The following KIF4A variants were observed in gnomAD, a reference collection of about 807,000 sequenced individuals.
The protein encoded by KIF4A is kinesin family member 4A.
Under a neutral mutation model 105.9 loss-of-function variants are expected in KIF4A, and 7 were observed. The ratio of observed to expected loss-of-function variants is 0.07; its 90% CI spans 0.04 to 0.12. KIF4A has a LOEUF of 0.12. Among genes scored for constraint, KIF4A ranks in the 10% least tolerant of loss-of-function variants. The pLI is 1.00. For synonymous variants in KIF4A, 281 were observed against 331.3 expected (o/e 0.85, Z 1.65); for missense variants, 558 against 929.2 (o/e 0.60, Z 5.19).
intron 18 of KIF4A, among the ~76,000 whole-genome samples, chrX:70,383,029 G>A (rs1401422426): frequency 2.7e-5 from 3 of 109,759 alleles, no homozygotes; most frequent in African/African-American, 9.9e-5. Flanking sequence ...CACTAAAAAT[G>A]CAAAAAAAGT....
chrX:70,398,380 C>G (rs1041970913), intron 22 of KIF4A, among the ~76,000 whole-genome samples: 3 of 112,353 alleles, frequency 2.7e-5, no homozygotes, highest in Non-Finnish European at 5.6e-5. Context: ...AATTTACCTA[C>G]ATACCATATG....
intron 10 of KIF4A, among the ~76,000 whole-genome samples, chrX:70,334,455 A>C (rs949079359): frequency 9.0e-6 from 1 of 111,704 alleles, no homozygotes; most frequent in African/African-American, 3.3e-5. Flanking sequence ...CTTATTTGTA[A>C]CTTCTTTCTC....
At chrX:70,341,213 T>G (rs892462877) in intron 10 of KIF4A, among the ~76,000 whole-genome samples, 19 of 111,805 alleles carry the variant, frequency 1.7e-4, no homozygotes, top group African/African-American at 5.5e-4. Flanking sequence ...GAGCACTTAT[T>G]TATAAAGAAT....
At chrX:70,305,277 C>T (rs1434660536) in intron 7 of KIF4A, among the ~76,000 whole-genome samples, 3 of 111,551 alleles carry the variant, frequency 2.7e-5, no homozygotes, top group Non-Finnish European at 3.8e-5. Context: ...ACCATCACCG[C>T]AATAAATTTT....
intron 7 of KIF4A, among the ~76,000 whole-genome samples, chrX:70,311,392 C>A (rs1422328373): frequency 1.8e-5 from 2 of 110,425 alleles, no homozygotes; most frequent in Non-Finnish European, 3.8e-5. Context: ...GTTTTATGTT[C>A]TTTTTATTGC....
In KIF4A at chrX:70,387,290, G is replaced by A. The variant is rs371136649; in HGVS notation, c.2225G>A (p.Arg742Gln). ...CGTGGAATGGAAGGCACTGCAGCTC[G>A]AGTGAAGGTATGAACAACTTGAACT... Reference protein sequence around the residue: ...QSRGMEGTAARVKNWLGNEIE... With the variant: ...QSRGMEGTAAQVKNWLGNEIE... The change falls in exon 20 of 31, where the codon CGA becomes CAA. Residue 742 changes from arginine (R) to glutamine (Q), a missense_variant. Physicochemically the swap from Arg to Gln is conservative, Grantham distance 43. Transcript: ENST00000374403. 13 of 1,170,274 alleles carry A rather than the reference G, an allele frequency of 1.1e-5. No homozygotes were observed. Among genetic ancestry groups the A allele is most frequent in the East Asian group, 6.3e-5 (2 of 31,850 alleles).
intron 15 of KIF4A, among the ~76,000 whole-genome samples, chrX:70,367,828 T>A: frequency 8.9e-6 from 1 of 112,072 alleles, no homozygotes; most frequent in Non-Finnish European, 1.9e-5. Context: ...TTCTCCTGGA[T>A]AATATCCTAC....
chrX:70,324,017 AG>A (rs1322132313), intron 7 of KIF4A, among the ~76,000 whole-genome samples: 1 of 110,508 alleles, frequency 9.0e-6, no homozygotes, highest in African/African-American at 3.3e-5. Flanking sequence ...TAGTAGAGAC[AG>A]GGTCTCACCA....
chrX:70,406,457 C>A, intron 27 of KIF4A, 103 bp downstream of exon 27: 1 of 598,581 alleles, frequency 1.7e-6, no homozygotes, highest in Non-Finnish European at 2.7e-6. Context: ...TTCCCAAATT[C>A]TAGCATCTCA....
chrX:70,362,400 C>T, intron 15 of KIF4A: 1 of 198,237 alleles, frequency 5.0e-6, no homozygotes, highest in Non-Finnish European at 9.6e-6. Context: ...GCTGGGTGCC[C>T]CGCCCATTGT....
In KIF4A at chrX:70,387,216, T is replaced by C; in HGVS notation, c.2151T>C (p.Ala717=). The C allele has an allele frequency of 8.4e-7, 1 of 1,187,837 alleles. No individual in the cohort carries two copies. The highest frequency in any genetic ancestry group is 1.1e-6 in the Non-Finnish European group (1 of 883,235). ...AAAANKRLKD[A]LQKQREVADK... ...CTGCCAACAAGCGTCTCAAGGATGCTCTCCAGAAACAACGGGAGGTTGCAG... is the reference window on the plus strand; with the variant it reads ...CTGCCAACAAGCGTCTCAAGGATGCCCTCCAGAAACAACGGGAGGTTGCAG... The change falls in exon 20 of 31, where the codon GCT becomes GCC. Residue 717 remains alanine (A), a synonymous_variant. Transcript: ENST00000374403.
At chrX:70,301,326 A>G (rs2085803667) in intron 5 of KIF4A, among the ~76,000 whole-genome samples, 1 of 111,532 alleles carries the variant, frequency 9.0e-6, no homozygotes, top group African/African-American at 3.3e-5. Context: ...GGAGCTAGAA[A>G]AGACTTCATA....
At chrX:70,306,084 A>G (rs969187613) in intron 7 of KIF4A, among the ~76,000 whole-genome samples, 3 of 112,016 alleles carry the variant, frequency 2.7e-5, no homozygotes, top group African/African-American at 6.5e-5. Context: ...TTTGCATATG[A>G]TGTGAAGAGT....
chrX:70,321,789 A>G (rs1199114528), intron 7 of KIF4A, among the ~76,000 whole-genome samples: 4 of 110,615 alleles, frequency 3.6e-5, no homozygotes, highest in African/African-American at 1.3e-4. Flanking sequence ...TCCTCCTCCC[A>G]TTGAAACTAT....
chrX:70,302,186 C>A (rs771715472), intron 6 of KIF4A, 118 bp from the exon 7 acceptor site: 11 of 1,068,724 alleles, frequency 1.0e-5, no homozygotes, highest in Non-Finnish European at 1.4e-5. Context: ...GCACGAGTGA[C>A]TAATGGAGCC....
chrX:70,348,128 G>C (rs1490616104), intron 13 of KIF4A, among the ~76,000 whole-genome samples: 1 of 108,688 alleles, frequency 9.2e-6, no homozygotes, highest in Non-Finnish European at 1.9e-5. Flanking sequence ...TAAGGGAAAT[G>C]CTTCATAAAT....
At chrX:70,341,541 G>T (rs1207450400) in intron 10 of KIF4A, among the ~76,000 whole-genome samples, 3 of 111,466 alleles carry the variant, frequency 2.7e-5, no homozygotes, top group Non-Finnish European at 3.8e-5. Flanking sequence ...CATTCCTGTT[G>T]CAACCGTATC....
At chrX:70,340,975 C>T (rs903184679) in intron 10 of KIF4A, among the ~76,000 whole-genome samples, 2 of 111,451 alleles carry the variant, frequency 1.8e-5, no homozygotes, top group Admixed American at 9.6e-5. Flanking sequence ...AGCCCTACTT[C>T]GTATTGGTCT....
In KIF4A at chrX:70,380,149, C is replaced by T. The variant is rs1021112762; in HGVS notation, c.2034+3939C>T. Among the ~76,000 whole-genome samples, 5 of 109,480 alleles carry T rather than the reference C, an allele frequency of 4.6e-5. No individual in the cohort carries two copies. In the South Asian group the frequency reaches 2.0e-3, roughly 43 times the overall value. On this transcript the variant is annotated intron_variant, in intron 18 of 30. Transcript: ENST00000374403. Reference sequence around the variant, plus strand: ...CGAAACCCTGTCTCTACTGAAAATACAAAAAAAAATTAGCTGAGCATGGTG... The same window carrying T: ...CGAAACCCTGTCTCTACTGAAAATATAAAAAAAAATTAGCTGAGCATGGTG...
Sources: gnomAD v4.1 joint callset for allele counts (sites outside exome capture counted in the v4.1 genomes callset) on GRCh38, gnomAD v4.1.1 for gene constraint, MANE v1.5 for transcripts, NCBI Gene and HGNC (gene_info 2026-07-23, HGNC 2026-07-21) for gene names.